The following SSH2 variants were observed in gnomAD, a reference collection of about 807,000 sequenced individuals.
SSH2 encodes slingshot protein phosphatase 2, also known as protein phosphatase Slingshot homolog 2.
Under a neutral mutation model 135.2 loss-of-function variants are expected in SSH2, and 37 were observed. That is an observed-to-expected ratio of 0.27 (90% confidence interval 0.21 to 0.36). SSH2 has a LOEUF of 0.36. Among genes scored for constraint, SSH2 ranks in the 10% least tolerant of loss-of-function variants. SSH2 has a pLI of 1.00. For missense variants in SSH2, 1,408 were observed against 1,765.3 expected (o/e 0.80, Z 3.63); for synonymous variants, 628 against 646.2 (o/e 0.97, Z 0.43).
chr17:29,829,985 G>A (rs1260948499), intron 2 of SSH2, among the ~76,000 whole-genome samples: 1 of 151,832 alleles, frequency 6.6e-6, no homozygotes, highest in African/African-American at 2.4e-5. Context: ...GACTACAGGT[G>A]CCCGCCACCT....
At chr17:29,775,707 T>G (rs2041683375) in intron 3 of SSH2, 1 of 152,208 alleles carries the variant, frequency 6.6e-6, no homozygotes, top group Non-Finnish European at 1.5e-5. Flanking sequence ...GGGTAGGGAC[T>G]TATCCTGAGA....
intron 3 of SSH2, chr17:29,761,299 A>G (rs1033376050): frequency 2.4e-6 from 3 of 1,273,194 alleles, no homozygotes; most frequent in African/African-American, 3.1e-5. Context: ...AAAGTGCACA[A>G]CTCCGCATCC....
At chr17:29,676,955 G>A in intron 7 of SSH2, 70 bp from the exon 8 acceptor site, 1 of 1,329,360 alleles carries the variant, frequency 7.5e-7, no homozygotes, top group South Asian at 1.2e-5. Flanking sequence ...GAGTTTTCAT[G>A]GATGTATCCC....
chr17:29,904,305 G>C (rs546361098), intron 1 of SSH2, among the ~76,000 whole-genome samples: 1 of 152,160 alleles, frequency 6.6e-6, no homozygotes, highest in African/African-American at 2.4e-5. Context: ...TATCCACCAC[G>C]ATCAAGCTGG....
intron 1 of SSH2, among the ~76,000 whole-genome samples, chr17:29,889,774 G>A (rs2066312458): frequency 6.7e-6 from 1 of 148,210 alleles, no homozygotes; most frequent in African/African-American, 2.5e-5. Context: ...AGGCCAGCCT[G>A]GGCAACACAG....
intron 15 of SSH2, among the ~76,000 whole-genome samples, chr17:29,634,164 T>A (rs187263988): frequency 6.6e-6 from 1 of 152,346 alleles, no homozygotes; most frequent in East Asian, 1.9e-4. Context: ...CAGCTTTGCA[T>A]GTGGTGAAAA....
chr17:29,632,845 A>C lies in SSH2; in HGVS notation c.2349T>G (p.Ile783Met). ...AISVKEIVTE[I>M]ESISQGVGQI... Reference sequence around the variant, plus strand: ...GCCCAACTCCTTGACTGATGGACTCAATTTCAGTGACAATTTCTTTGACTG... The same window carrying C: ...GCCCAACTCCTTGACTGATGGACTCCATTTCAGTGACAATTTCTTTGACTG... Residue 783 changes from isoleucine to methionine, a missense_variant, in exon 16 of 16, where the codon ATT becomes ATG. Physicochemically the swap from Ile to Met is conservative, Grantham distance 10. Around this residue, in one of 3 missense-constraint regions of SSH2, gnomAD observed 1,080 missense variants for 1,144.5 expected, o/e 0.94. Transcript: ENST00000540801. 6.2e-7 allele frequency: 1 copy of C among 1,614,198 alleles called. No homozygotes were observed. Among genetic ancestry groups the C allele is most frequent in the Non-Finnish European group, 8.5e-7 (1 of 1,180,036 alleles).
chr17:29,636,212 C>T lies in SSH2; in HGVS notation c.2018G>A (p.Ser673Asn), dbSNP rs1430299256. Residue 673 changes from serine to asparagine, a missense_variant, in exon 15 of 16, where the codon AGT becomes AAT. By Grantham distance (46) the Ser-to-Asn change is conservative. Transcript: ENST00000540801. ...PSCQTEISDF[S>N]TDRIDFFSAL... Reference sequence around the variant, plus strand: ...ACTAAAAAAGTCAATGCGATCTGTACTGAAATCTGAGATTTCAGTCTGGCA... The same window carrying T: ...ACTAAAAAAGTCAATGCGATCTGTATTGAAATCTGAGATTTCAGTCTGGCA... 2 of 1,614,144 alleles carry T rather than the reference C, an allele frequency of 1.2e-6. No individual in the cohort carries two copies. The highest frequency in any genetic ancestry group is 1.1e-5 in the South Asian group (1 of 91,076).
intron 3 of SSH2, among the ~76,000 whole-genome samples, chr17:29,743,648 A>C (rs771145667): frequency 1.3e-5 from 2 of 152,220 alleles, no homozygotes; most frequent in Non-Finnish European, 2.9e-5. Context: ...TGTTCTTAAC[A>C]AATGTACTCA....
intron 3 of SSH2, among the ~76,000 whole-genome samples, chr17:29,723,011 A>G (rs2039873960): frequency 1.3e-5 from 2 of 152,210 alleles, no homozygotes; most frequent in African/African-American, 2.4e-5. Context: ...GCCATCGGCA[A>G]TGTCTACTAC....
chr17:29,916,067 G>A (rs1187299639), intron 1 of SSH2, among the ~76,000 whole-genome samples: 1 of 142,848 alleles, frequency 7.0e-6, no homozygotes, highest in South Asian at 2.2e-4. Context: ...TTTAAAAAGC[G>A]ATAAAGAGAA....
At chr17:29,828,137 A>G (rs1334846441) in intron 2 of SSH2, among the ~76,000 whole-genome samples, 2 of 152,224 alleles carry the variant, frequency 1.3e-5, no homozygotes, top group Non-Finnish European at 2.9e-5. Flanking sequence ...AAACAGAATT[A>G]TTGATCATCT....
chr17:29,889,110 T>G (rs1403706324), intron 1 of SSH2, among the ~76,000 whole-genome samples: 4 of 151,856 alleles, frequency 2.6e-5, no homozygotes, highest in Non-Finnish European at 5.9e-5. Context: ...AAAAATTTAC[T>G]CAAAATGGAT....
chr17:29,820,709 T>G (rs892709782), intron 2 of SSH2, among the ~76,000 whole-genome samples: 2 of 152,186 alleles, frequency 1.3e-5, no homozygotes, highest in Non-Finnish European at 1.5e-5. Context: ...ACATGCACAC[T>G]GAATTTCTGA....
At chr17:29,747,617 A>G (rs1444581928) in intron 3 of SSH2, among the ~76,000 whole-genome samples, 2 of 152,236 alleles carry the variant, frequency 1.3e-5, no homozygotes, top group African/African-American at 4.8e-5. Flanking sequence ...TGTTAGTTAT[A>G]CAGCAACCAT....
chr17:29,631,564 G>A lies in SSH2; in HGVS notation c.3630C>T (p.Ser1210=), dbSNP rs755607432. ...EVPYKDSQLS[S]ADLSLISKLG... ...GTTTGCTAATTAAACTTAGGTCTGC[G>A]CTACTTAGCTGGGAGTCCTTATATG... The change falls in exon 16 of 16, where the codon AGC becomes AGT. Residue 1210 remains serine, a synonymous_variant. Coordinates refer to ENST00000540801, the MANE Select transcript of SSH2 (RefSeq NM_001282129.2). The A allele has an allele frequency of 1.8e-5, 29 of 1,613,968 alleles. No homozygotes were observed. The highest frequency in any genetic ancestry group is 1.6e-4 in the Middle Eastern group (1 of 6,074).
At chr17:29,761,363 G>A (rs1323822631) in intron 3 of SSH2, 8 of 1,074,090 alleles carry the variant, frequency 7.4e-6, no homozygotes, top group Non-Finnish European at 2.3e-6. Context: ...ACCCGGCGGC[G>A]GAGGCGGGCC....
chr17:29,829,879 G>A (rs544893506), intron 2 of SSH2, among the ~76,000 whole-genome samples: 175 of 137,932 alleles, frequency 1.3e-3, no homozygotes, highest in South Asian at 3.8e-3. Flanking sequence ...TCGCTCTATC[G>A]CCCAGGCTGG....
chr17:29,691,490 T>C (rs1009125843), intron 5 of SSH2, among the ~76,000 whole-genome samples: 1 of 67,370 alleles, frequency 1.5e-5, no homozygotes, highest in Non-Finnish European at 2.9e-5. Flanking sequence ...TGTCCTATTT[T>C]CTCTCTTTTT....
Sources: gnomAD v4.1 joint callset for allele counts (sites outside exome capture counted in the v4.1 genomes callset) on GRCh38, gnomAD v4.1.1 for gene constraint, gnomAD v4.1.1 regional missense constraint, MANE v1.5 for transcripts, NCBI Gene and HGNC (gene_info 2026-07-23, HGNC 2026-07-21) for gene names.